The following FAP variants were observed in gnomAD, a reference collection of about 807,000 sequenced individuals.
FAP encodes the protein fibroblast activation protein alpha.
A neutral mutation model predicts 126.5 loss-of-function variants in FAP; 110 were observed. The ratio of observed to expected loss-of-function variants is 0.87; its 90% CI spans 0.74 to 1.02. The LOEUF is 1.02. Among genes scored for constraint, FAP ranks in the 50% least tolerant of loss-of-function variants. The pLI, the probability that FAP is intolerant of heterozygous loss-of-function variation, is 0.00. For synonymous variants in FAP, 334 were observed against 297.3 expected, an observed-to-expected ratio of 1.12 and a Z score of -1.27; for missense variants, 919 against 909.2, an observed-to-expected ratio of 1.01 and a Z score of -0.14.
At chr2:162,219,302 A>G in intron 7 of FAP, 119 bp from the exon 8 acceptor site, 2 of 953,046 alleles carry the variant, frequency 2.1e-6, no homozygotes, top group Non-Finnish European at 3.0e-6. Context: ...AAAGATTCAC[A>G]ACTAAAATAC....
At chr2:162,229,291 C>A (rs1689793890) in intron 2 of FAP, among the ~76,000 whole-genome samples, 1 of 152,008 alleles carries the variant, frequency 6.6e-6, no homozygotes. Context: ...ATACATGTTA[C>A]CTTTTAGCAT....
At chr2:162,189,231 T>C (rs1347106205) in intron 18 of FAP, 59 bp from the exon 19 acceptor site, 13 of 990,288 alleles carry the variant, frequency 1.3e-5, no homozygotes, top group Non-Finnish European at 2.0e-5. Flanking sequence ...GCATCATTTA[T>C]TGTCTTTAAT....
At chr2:162,229,255 C>T (rs1341129951) in intron 2 of FAP, among the ~76,000 whole-genome samples, 1 of 152,082 alleles carries the variant, frequency 6.6e-6, no homozygotes, top group East Asian at 1.9e-4. Flanking sequence ...ACATCTAGCT[C>T]TATGTGTGGC....
chr2:162,180,669 T>A (rs1268183622), intron 21 of FAP, among the ~76,000 whole-genome samples: 3 of 151,926 alleles, frequency 2.0e-5, no homozygotes, highest in African/African-American at 7.3e-5. Flanking sequence ...CAGGGGGAGG[T>A]TGAAAACAGC....
rs376427968 is a variant in FAP at position 162,198,899 on chromosome 2, T to C, written c.1278-18A>G. ...TGCTAATTCTAGAGGGAAATGAAAATAAAACTAAGCTGAAATTTTGAGATT... is the reference window on the plus strand; with the variant it reads ...TGCTAATTCTAGAGGGAAATGAAAACAAAACTAAGCTGAAATTTTGAGATT... On this transcript the variant is annotated intron_variant, in intron 15 of 25. Transcript: ENST00000188790. The C allele has an allele frequency of 3.7e-6, 6 of 1,611,324 alleles. No individual in the cohort carries two copies. In the South Asian group the frequency reaches 5.5e-5, roughly 15 times the overall value.
At chr2:162,226,712 A>G (rs967281406) in intron 2 of FAP, 91 bp from the exon 3 acceptor site, 2 of 687,416 alleles carry the variant, frequency 2.9e-6, no homozygotes, top group South Asian at 1.8e-5. Flanking sequence ...TCTTTCTTAT[A>G]TAGTAATAAG....
intron 4 of FAP, 74 bp downstream of exon 4, chr2:162,225,409 C>T: frequency 6.5e-7 from 1 of 1,542,464 alleles, no homozygotes; most frequent in Non-Finnish European, 8.8e-7. Context: ...GGTGCTAAGA[C>T]TTTGAACTCT....
At chr2:162,215,870 A>G (rs1353820155) in intron 10 of FAP, 28 bp downstream of exon 10, 1 of 1,509,524 alleles carries the variant, frequency 6.6e-7, no homozygotes, top group South Asian at 1.1e-5. Context: ...ATAGGATAGA[A>G]AGATGGGAGG....
intron 21 of FAP, among the ~76,000 whole-genome samples, chr2:162,181,512 G>C (rs976684243): frequency 3.3e-5 from 5 of 152,124 alleles, no homozygotes; most frequent in African/African-American, 1.2e-4. Flanking sequence ...CTTTAACTCA[G>C]GTCCTGGGCA....
chr2:162,206,747 A>G (rs917401945), intron 12 of FAP, among the ~76,000 whole-genome samples: 3 of 152,100 alleles, frequency 2.0e-5, no homozygotes, highest in African/African-American at 7.2e-5. Context: ...CAATTTTGTT[A>G]TTTTTTCTGA....
chr2:162,218,385 A>C (rs1689240960), intron 8 of FAP, among the ~76,000 whole-genome samples: 1 of 152,166 alleles, frequency 6.6e-6, no homozygotes, highest in Non-Finnish European at 1.5e-5. Context: ...TAATTTTTTA[A>C]ATAAATAATA....
rs76289979 is a variant in FAP, at chr2:162,201,623, C to G, written c.1224-1004G>C. On this transcript the variant is annotated intron_variant, in intron 14 of 25. Coordinates refer to ENST00000188790, the MANE Select transcript of FAP (RefSeq NM_004460.5). ...CAGCCAGGTCCAGTTTGTCTCTTTT[C>G]TCTCTCTTTTTCCTGACAGTCTCCC... is the stretch of plus-strand genomic sequence containing the variant. Among the ~76,000 whole-genome samples, 701 of 152,210 alleles carry G rather than the reference C, an allele frequency of 4.6e-3. 4 individuals are homozygous for G. Among genetic ancestry groups the G allele is most frequent in the Non-Finnish European group, 7.6e-3 (514 of 68,014 alleles).
At chr2:162,172,686 C>T (rs779436268) in intron 25 of FAP, 125 bp downstream of exon 25, 21 of 646,952 alleles carry the variant, frequency 3.2e-5, no homozygotes, top group Non-Finnish European at 5.2e-5. Flanking sequence ...TAATGTTCTG[C>T]CTACTCTATC....
intron 22 of FAP, 127 bp from the exon 23 acceptor site, chr2:162,173,914 C>T (rs1687398962): frequency 1.4e-6 from 1 of 699,928 alleles, no homozygotes; most frequent in Admixed American, 2.0e-5. Context: ...TAAATTCTTG[C>T]TTTACTTTGC....
intron 21 of FAP, 126 bp downstream of exon 21, chr2:162,183,288 G>T: frequency 1.3e-6 from 1 of 791,238 alleles, no homozygotes; most frequent in Non-Finnish European, 2.1e-6. Context: ...CAAACTGACT[G>T]TTTCCATTGA....
rs1487656693 is a variant in FAP, at chr2:162,219,844, A to G, written c.486+9T>C. 1 of 1,591,932 alleles carries G rather than the reference A, an allele frequency of 6.3e-7. No individual in the cohort carries two copies. Among genetic ancestry groups the G allele is most frequent in the East Asian group, 2.2e-5 (1 of 44,720 alleles). On this transcript the variant is annotated intron_variant, in intron 7 of 25. Coordinates refer to ENST00000188790, the MANE Select transcript of FAP (RefSeq NM_004460.5). ...CATGATTAAACACTTCAAAAATTTA[A>G]ACACTTACTAATTTACTCCCAACAG...
chr2:162,189,306 A>C (rs1687960577), intron 18 of FAP, 134 bp from the exon 19 acceptor site: 1 of 501,210 alleles, frequency 2.0e-6, no homozygotes, highest in Non-Finnish European at 3.4e-6. Context: ...ATATATTTAA[A>C]AGTAACTTTT....
chr2:162,223,332 A>G (rs1172058289), intron 6 of FAP, among the ~76,000 whole-genome samples: 1 of 152,134 alleles, frequency 6.6e-6, no homozygotes, highest in East Asian at 1.9e-4. Flanking sequence ...TTTTTCCATA[A>G]ATAGCACATG....
chr2:162,201,147 A>G (rs1307873800), intron 14 of FAP, among the ~76,000 whole-genome samples: 1 of 152,200 alleles, frequency 6.6e-6, no homozygotes, highest in South Asian at 2.1e-4. Context: ...TCTGATTCCA[A>G]CCTGTCTTAA....
Sources: gnomAD v4.1 joint callset for allele counts (sites outside exome capture counted in the v4.1 genomes callset) on GRCh38, gnomAD v4.1.1 for gene constraint, MANE v1.5 for transcripts, NCBI Gene and HGNC (gene_info 2026-07-23, HGNC 2026-07-21) for gene names.